Variants in CFAP299 observed in about 807,000 individuals in gnomAD.
The protein encoded by CFAP299 is cilia- and flagella-associated protein 299.
CFAP299 carries 21 observed loss-of-function variants against 27.0 expected under a neutral mutation model. The observed-to-expected ratio is 0.78, with a 90% CI of 0.55 to 1.12. The LOEUF (loss-of-function observed/expected upper bound fraction) is 1.12, where lower values mean the gene tolerates loss of function less well. CFAP299 is among the 50% of genes most tolerant of loss of function. The pLI is 0.00. For missense variants in CFAP299, 310 were observed against 276.6 expected, an observed-to-expected ratio of 1.12 and a Z score of -0.86; for synonymous variants, 104 against 98.1, an observed-to-expected ratio of 1.06 and a Z score of -0.36.
At chr4:80,390,942 T>C (rs199660358) in intron 2 of CFAP299, among the ~76,000 whole-genome samples, 1 of 27,098 alleles carries the variant, frequency 3.7e-5, no homozygotes, top group African/African-American at 6.9e-5. Flanking sequence ...TGTATATATG[T>C]ATGTACACAC....
chr4:80,907,513 T>G (rs982178614), intron 4 of CFAP299, among the ~76,000 whole-genome samples: 7 of 152,182 alleles, frequency 4.6e-5, no homozygotes, highest in African/African-American at 1.7e-4. Context: ...GGATAGGGTT[T>G]TAGTTGATTG....
chr4:80,515,062 A>C (rs1732514603), intron 2 of CFAP299, among the ~76,000 whole-genome samples: 1 of 152,118 alleles, frequency 6.6e-6, no homozygotes, highest in South Asian at 2.1e-4. Context: ...ATAATGCACA[A>C]ATATAAAAAA....
At chr4:80,945,207 C>T (rs1350027616) in intron 5 of CFAP299, among the ~76,000 whole-genome samples, 1 of 152,164 alleles carries the variant, frequency 6.6e-6, no homozygotes, top group African/African-American at 2.4e-5. Flanking sequence ...AGAATTGCAC[C>T]AGGGAGCCAG....
chr4:80,521,126 A>G (rs1732889250), intron 2 of CFAP299, among the ~76,000 whole-genome samples: 1 of 152,198 alleles, frequency 6.6e-6, no homozygotes, highest in Non-Finnish European at 1.5e-5. Context: ...TTAGCATAAC[A>G]AAAGTAAGTA....
chr4:80,445,224 C>T (rs550836742), intron 2 of CFAP299, among the ~76,000 whole-genome samples: 2 of 152,318 alleles, frequency 1.3e-5, no homozygotes, highest in East Asian at 3.9e-4. Context: ...CACATGCACA[C>T]ATATGTTTAT....
chr4:80,866,888 A>G (rs1043439097), intron 3 of CFAP299, among the ~76,000 whole-genome samples: 8 of 152,334 alleles, frequency 5.3e-5, no homozygotes, highest in African/African-American at 1.9e-4. Context: ...CCAAATGTAT[A>G]TAATTTTAGA....
chr4:80,840,547 C>T (rs1208834058), intron 3 of CFAP299, among the ~76,000 whole-genome samples: 1 of 151,910 alleles, frequency 6.6e-6, no homozygotes, highest in Non-Finnish European at 1.5e-5. Flanking sequence ...GTGCACATTG[C>T]CCTTAAACCA....
At chr4:80,600,301 C>T (rs550625172) in intron 3 of CFAP299, among the ~76,000 whole-genome samples, 4 of 152,066 alleles carry the variant, frequency 2.6e-5, no homozygotes, top group East Asian at 1.9e-4. Context: ...TCTTCCTCTA[C>T]GTGAATGAAC....
At chr4:80,871,227 C>CTT in intron 4 of CFAP299, 1 of 985,444 alleles carries the variant, frequency 1.0e-6, no homozygotes, top group Non-Finnish European at 1.2e-6. Context: ...CTGTAATGGA[C>CTT]TTAGCTCTTT....
At chr4:80,449,872 A>C (rs1728814868) in intron 2 of CFAP299, among the ~76,000 whole-genome samples, 2 of 152,092 alleles carry the variant, frequency 1.3e-5, no homozygotes, top group African/African-American at 4.8e-5. Context: ...ACCAAAATGT[A>C]CAACTTCTTT....
chr4:80,387,349 C>T (rs183958737), intron 2 of CFAP299: 2 of 1,457,564 alleles, frequency 1.4e-6, no homozygotes, highest in Non-Finnish European at 1.9e-6. Flanking sequence ...ATTTGTACAC[C>T]TGCTCGTTCT....
At chr4:80,835,677 A>G (rs562289393) in intron 3 of CFAP299, among the ~76,000 whole-genome samples, 3 of 152,170 alleles carry the variant, frequency 2.0e-5, no homozygotes, top group African/African-American at 7.2e-5. Flanking sequence ...GGCCCCAAAT[A>G]CCATCACAAG....
chr4:80,329,157 A>G, the CFAP299 span, among the ~76,000 whole-genome samples: 2 of 149,968 alleles, frequency 1.3e-5, no homozygotes, highest in African/African-American at 2.5e-5. Context: ...TCTTCTTCCA[A>G]TGTGGCCCAG....
intron 3 of CFAP299, among the ~76,000 whole-genome samples, chr4:80,584,416 A>G (rs142825086): frequency 6.6e-6 from 1 of 152,048 alleles, no homozygotes; most frequent in Non-Finnish European, 1.5e-5. Flanking sequence ...GGAAAATGTT[A>G]GAGGTCAAGA....
intron 3 of CFAP299, among the ~76,000 whole-genome samples, chr4:80,695,746 C>T (rs1026385054): frequency 1.4e-5 from 2 of 148,102 alleles, no homozygotes; most frequent in Admixed American, 6.8e-5. Context: ...AATCATGGCT[C>T]ACTGCACACT....
At chr4:80,420,760 A>G (rs913097897) in intron 2 of CFAP299, among the ~76,000 whole-genome samples, 1 of 151,648 alleles carries the variant, frequency 6.6e-6, no homozygotes, top group African/African-American at 2.4e-5. Flanking sequence ...GTGTCCTTTG[A>G]TTCTTATATC....
chr4:80,718,487 A>G (rs774203325), intron 3 of CFAP299, among the ~76,000 whole-genome samples: 50 of 152,246 alleles, frequency 3.3e-4, no homozygotes, highest in Non-Finnish European at 6.6e-4. Context: ...TCAAGAGTAG[A>G]TAATAGTAGT....
At chr4:80,827,105 G>A (rs1202220291) in intron 3 of CFAP299, among the ~76,000 whole-genome samples, 1 of 151,756 alleles carries the variant, frequency 6.6e-6, no homozygotes, top group Non-Finnish European at 1.5e-5. Flanking sequence ...AACATTATAA[G>A]TTGTTGAATT....
At chr4:80,864,975 C>G (rs1426925521) in intron 3 of CFAP299, among the ~76,000 whole-genome samples, 2 of 152,068 alleles carry the variant, frequency 1.3e-5, no homozygotes, top group African/African-American at 4.8e-5. Flanking sequence ...GTGACAGAGC[C>G]AGCATTTGAA....
Sources: allele counts gnomAD v4.1 joint callset (sites outside exome capture counted in the v4.1 genomes callset), GRCh38; gene constraint gnomAD v4.1.1; transcripts MANE v1.5; gene names NCBI Gene and HGNC (gene_info 2026-07-23, HGNC 2026-07-21).